ADCY8: variants seen among roughly 807,000 people sequenced by gnomAD.
ADCY8 encodes adenylate cyclase 8.
ADCY8 carries 51 observed loss-of-function variants against 119.7 expected under a neutral mutation model. The ratio of observed to expected loss-of-function variants is 0.43; its 90% CI spans 0.34 to 0.54. The LOEUF (loss-of-function observed/expected upper bound fraction) is 0.54, where lower values mean the gene tolerates loss of function less well. ADCY8 is among the 20% of genes least tolerant of loss of function. The pLI, the probability that ADCY8 is intolerant of heterozygous loss-of-function variation, is 0.03. For missense variants in ADCY8, 1,383 were observed against 1,598.8 expected (o/e 0.87, Z 2.30); for synonymous variants, 665 against 651.0 (o/e 1.02, Z -0.33).
intron 5 of ADCY8, among the ~76,000 whole-genome samples, chr8:130,926,307 A>C (rs1033473020): frequency 7.1e-6 from 1 of 141,474 alleles, no homozygotes; most frequent in Non-Finnish European, 1.6e-5. Flanking sequence ...CTTTGTTTCC[A>C]GGAAAAAAAA....
rs543879943 is a variant in ADCY8 at position 130,967,656 on chromosome 8, A to G, written c.1111-15658T>C. Reference sequence around the variant, plus strand: ...TTCCATGGATATGGTATGTGATTTAAAGAATGAGTCACAAAATTCAGGTAT... The same window carrying G: ...TTCCATGGATATGGTATGTGATTTAGAGAATGAGTCACAAAATTCAGGTAT... On this transcript the variant is annotated intron_variant, in intron 2 of 17. Coordinates refer to ENST00000286355, the MANE Select transcript of ADCY8 (RefSeq NM_001115.3). Among the ~76,000 whole-genome samples, 6 of 152,346 alleles carry G rather than the reference A, an allele frequency of 3.9e-5. No individual in the cohort carries two copies. The East Asian group carries it at 1.2e-3, about 29-fold the overall frequency.
At chr8:130,867,478 G>A (rs1489239697) in intron 9 of ADCY8, among the ~76,000 whole-genome samples, 3 of 152,088 alleles carry the variant, frequency 2.0e-5, no homozygotes, top group East Asian at 3.9e-4. Context: ...TTGATTTTGC[G>A]GACCCAAGGA....
intron 11 of ADCY8, among the ~76,000 whole-genome samples, chr8:130,844,950 A>AT (rs935526873): frequency 6.6e-6 from 1 of 152,254 alleles, no homozygotes; most frequent in African/African-American, 2.4e-5. Context: ...TGACGATAAC[A>AT]TACATTGGCA....
chr8:130,909,971 T>G (rs1190980431), intron 5 of ADCY8, 105 bp from the exon 6 acceptor site: 1 of 1,061,810 alleles, frequency 9.4e-7, no homozygotes, highest in East Asian at 2.6e-5. Context: ...GGAGTTTTGC[T>G]CTGTCGCCCA....
chr8:130,876,713 A>AG (rs931133398), intron 8 of ADCY8, among the ~76,000 whole-genome samples: 9 of 142,008 alleles, frequency 6.3e-5, no homozygotes, highest in Admixed American at 2.0e-4. Flanking sequence ...GTGTGTGTGT[A>AG]GGGGGGCAGG....
At chr8:130,997,539 C>G (rs984484367) in intron 1 of ADCY8, among the ~76,000 whole-genome samples, 1 of 152,078 alleles carries the variant, frequency 6.6e-6, no homozygotes, top group Admixed American at 6.6e-5. Flanking sequence ...GCCAGTAGAA[C>G]AAATCCTGAG....
chr8:130,825,038 T>A (rs1459952257), intron 12 of ADCY8, among the ~76,000 whole-genome samples: 1 of 152,216 alleles, frequency 6.6e-6, no homozygotes, highest in African/African-American at 2.4e-5. Flanking sequence ...CAAAACCTTC[T>A]TGATTCTTTT....
rs1821858186 is a variant in ADCY8, at chr8:130,969,410, TC to T, written c.1111-17413del. Among the ~76,000 whole-genome samples the T allele has an allele frequency of 2.0e-5, 3 of 151,934 alleles. No homozygotes were observed. In the South Asian group the frequency reaches 6.3e-4, roughly 32 times the overall value. On this transcript the variant is annotated intron_variant, in intron 2 of 17. Coordinates refer to ENST00000286355, the MANE Select transcript of ADCY8 (RefSeq NM_001115.3). Reference sequence around the variant, plus strand: ...CAATTCCTTAAAATAAAGCTCTCTTTCTTTTTCTCTCTATCTACACATTCTC... The same window carrying T: ...CAATTCCTTAAAATAAAGCTCTCTTTTTTTTCTCTCTATCTACACATTCTC...
At chr8:131,008,371 T>C (rs1823190612) in intron 1 of ADCY8, among the ~76,000 whole-genome samples, 1 of 152,144 alleles carries the variant, frequency 6.6e-6, no homozygotes, top group Non-Finnish European at 1.5e-5. Flanking sequence ...GTTTCACCCA[T>C]GCTATTCTTG....
intron 11 of ADCY8, among the ~76,000 whole-genome samples, chr8:130,841,805 G>T (rs1055230743): frequency 6.6e-6 from 1 of 152,164 alleles, no homozygotes; most frequent in Non-Finnish European, 1.5e-5. Flanking sequence ...ATAGTTTAAA[G>T]AAATCATCTG....
At position 130,931,346 on chromosome 8, in the gene ADCY8, ATTG is replaced by A. The variant is rs1406167762; in HGVS notation, c.1481+5724_1481+5726del. On this transcript the variant is annotated intron_variant, in intron 5 of 17. Transcript: ENST00000286355. ...CTCCTATATATGGTATTTGCTTCTT[ATTG>A]TTGTTGTTGCTTTCAGGATCTTCTT... 3.3e-5 allele frequency among the ~76,000 whole-genome samples: 5 copies of A among 152,038 alleles called. No individual in the cohort carries two copies. In the South Asian group the frequency reaches 8.3e-4, roughly 25 times the overall value.
intron 5 of ADCY8, among the ~76,000 whole-genome samples, chr8:130,924,120 C>A (rs1241188750): frequency 6.6e-6 from 1 of 152,186 alleles, no homozygotes; most frequent in Non-Finnish European, 1.5e-5. Flanking sequence ...AGATAGACGG[C>A]TTTGAAGTCA....
chr8:130,784,139 TGGG>T (rs1428350094), intron 16 of ADCY8, among the ~76,000 whole-genome samples: 3 of 151,742 alleles, frequency 2.0e-5, no homozygotes, highest in African/African-American at 7.3e-5. Context: ...GTGTGTGTGT[TGGG>T]GGTGTGTGGG....
rs568424331 is a variant in ADCY8, at chr8:131,009,748, C to T, written c.961-19206G>A. 1.8e-4 allele frequency among the ~76,000 whole-genome samples: 27 copies of T among 152,202 alleles called. No homozygotes were observed. The East Asian group carries it at 2.9e-3, about 16-fold the overall frequency. On this transcript the variant is annotated intron_variant, in intron 1 of 17. Coordinates refer to ENST00000286355, the MANE Select transcript of ADCY8 (RefSeq NM_001115.3). The stretch of plus-strand genomic sequence containing the variant: ...GGTAGGGAATCCAGGAAGGCTCCCT[C>T]GAGGAGGTAACATTTAAGTTGATTC...
Position 130,922,203 on chromosome 8 carries a change from CCTTT to C in ADCY8, c.1482-12341_1482-12338del, listed in dbSNP as rs1313032679. On this transcript the variant is annotated intron_variant, in intron 5 of 17. Coordinates refer to ENST00000286355, the MANE Select transcript of ADCY8 (RefSeq NM_001115.3). ...CTCTAGAACTATAAGAAATAAATTC[CCTTT>C]CTTTTTTTTTTTTTTTTTTTAATTG... Among the ~76,000 whole-genome samples the C allele has an allele frequency of 1.0e-3, 158 of 151,358 alleles. 1 individual carries two copies. Among genetic ancestry groups the C allele is most frequent in the Admixed American group, 3.0e-3 (46 of 15,240 alleles).
chr8:130,935,502 GTCCC>G (rs1820756324), intron 5 of ADCY8: 1 of 152,212 alleles, frequency 6.6e-6, no homozygotes. Flanking sequence ...TGACCTCTGT[GTCCC>G]TCCTGACAGT....
intron 15 of ADCY8, among the ~76,000 whole-genome samples, chr8:130,796,585 G>A (rs933410775): frequency 6.6e-6 from 1 of 151,934 alleles, no homozygotes; most frequent in African/African-American, 2.4e-5. Context: ...GAATCTAGAG[G>A]ACCTCTCTTG....
chr8:130,831,426 G>A (rs76824123), intron 12 of ADCY8, among the ~76,000 whole-genome samples: 169 of 152,288 alleles, frequency 1.1e-3, no homozygotes, highest in South Asian at 0.011. Context: ...AAACACTTAA[G>A]TACACAGATT....
chr8:130,971,444 C>G (rs954589982), intron 2 of ADCY8, among the ~76,000 whole-genome samples: 4 of 152,108 alleles, frequency 2.6e-5, no homozygotes, highest in African/African-American at 9.7e-5. Context: ...TCCCATGTCT[C>G]TATAATCACA....
Sources: gnomAD v4.1 joint callset for allele counts (sites outside exome capture counted in the v4.1 genomes callset) on GRCh38, gnomAD v4.1.1 for gene constraint, MANE v1.5 for transcripts, NCBI Gene and HGNC (gene_info 2026-07-23, HGNC 2026-07-21) for gene names.